The following EPAS1 variants were observed in gnomAD, a reference collection of about 807,000 sequenced individuals.
The protein encoded by EPAS1 is endothelial PAS domain protein 1.
In EPAS1, 23 loss-of-function variants were observed where a neutral mutation model predicts 87.9. The ratio of observed to expected loss-of-function variants is 0.26; its 90% CI spans 0.19 to 0.37. EPAS1 has a LOEUF of 0.37. Among genes scored for constraint, EPAS1 ranks in the 10% least tolerant of loss-of-function variants. The pLI is 1.00. For missense variants in EPAS1, 1,138 were observed against 1,120.7 expected, an observed-to-expected ratio of 1.02 and a Z score of -0.22; for synonymous variants, 508 against 444.3, an observed-to-expected ratio of 1.14 and a Z score of -1.80.
intron 4 of EPAS1, among the ~76,000 whole-genome samples, chr2:46,358,779 A>G (rs749886711): frequency 4.6e-5 from 7 of 152,226 alleles, no homozygotes; most frequent in African/African-American, 1.7e-4. Context: ...GTGCCAGCCT[A>G]TGGGTGGACT....
At chr2:46,308,149 C>T (rs1054339344) in intron 1 of EPAS1, among the ~76,000 whole-genome samples, 2 of 152,172 alleles carry the variant, frequency 1.3e-5, no homozygotes, top group Admixed American at 6.5e-5. Flanking sequence ...CACTTCTATT[C>T]CCTCACACTA....
intron 4 of EPAS1, among the ~76,000 whole-genome samples, chr2:46,358,274 C>CT (rs1684310404): frequency 6.6e-6 from 1 of 152,224 alleles, no homozygotes; most frequent in South Asian, 2.1e-4. Flanking sequence ...CCTCTGCTCT[C>CT]TCTTCTGCAG....
intron 1 of EPAS1, among the ~76,000 whole-genome samples, chr2:46,298,246 C>A (rs769808551): frequency 5.3e-5 from 8 of 152,216 alleles, no homozygotes; most frequent in Non-Finnish European, 1.0e-4. Flanking sequence ...TCCCAGCCGC[C>A]CCGCAGCAGA....
intron 1 of EPAS1, among the ~76,000 whole-genome samples, chr2:46,308,886 C>T (rs1183579206): frequency 6.6e-6 from 1 of 152,174 alleles, no homozygotes; most frequent in African/African-American, 2.4e-5. Flanking sequence ...ACATTGGTTA[C>T]CCCTGTGTTT....
chr2:46,385,100 T>G lies in EPAS1; in HGVS notation c.*440T>G. On this transcript the variant is annotated 3_prime_UTR_variant, in exon 16 of 16. Coordinates refer to ENST00000263734, the MANE Select transcript of EPAS1 (RefSeq NM_001430.5). The stretch of plus-strand genomic sequence containing the variant: ...TGCCAAAGAGAAACAAAAATGATTT[T>G]GCTTTCCAAGCTTGGTTTGTGGCGT... The G allele has an allele frequency of 5.5e-6, 1 of 181,110 alleles. No homozygotes were observed. The highest frequency in any genetic ancestry group is 2.4e-5 in the African/African-American group (1 of 42,314). The allele number at this position is 181,110 out of a possible 1,614,324, so 11.2% of individuals were successfully genotyped here. A position where few individuals can be genotyped will look rare whatever the true frequency, so the allele number is the denominator to read the frequency against.
chr2:46,350,213 C>A (rs1405479714), intron 2 of EPAS1, among the ~76,000 whole-genome samples: 1 of 152,168 alleles, frequency 6.6e-6, no homozygotes, highest in African/African-American at 2.4e-5. Context: ...TATCAAAATG[C>A]AGAGTCGTCA....
chr2:46,303,960 T>C (rs1683059958), intron 1 of EPAS1, among the ~76,000 whole-genome samples: 1 of 152,238 alleles, frequency 6.6e-6, no homozygotes, highest in African/African-American at 2.4e-5. Flanking sequence ...TCCGTCCACC[T>C]ACATGTCTGC....
rs577538817 is a variant in EPAS1, at chr2:46,336,819, G to C, written c.27-10054G>C. Among the ~76,000 whole-genome samples the C allele has an allele frequency of 2.0e-5, 3 of 152,330 alleles. No individual in the cohort carries two copies. The South Asian group carries it at 6.2e-4, about 32-fold the overall frequency. The stretch of plus-strand genomic sequence containing the variant: ...CAGGCTTCAGCCCAGATCCTACTGA[G>C]CCTGCACTGTAACAAGATCCCTGGG... On this transcript the variant is annotated intron_variant, in intron 1 of 15. Transcript: ENST00000263734.
intron 1 of EPAS1, among the ~76,000 whole-genome samples, chr2:46,310,048 CA>C (rs1348195541): frequency 6.6e-6 from 1 of 152,192 alleles, no homozygotes; most frequent in Non-Finnish European, 1.5e-5. Context: ...TGAATGTGCC[CA>C]AATCACTCTG....
chr2:46,328,589 T>C (rs1326201439), intron 1 of EPAS1, among the ~76,000 whole-genome samples: 1 of 152,190 alleles, frequency 6.6e-6, no homozygotes, highest in Non-Finnish European at 1.5e-5. Flanking sequence ...AGCTCTCTGT[T>C]GAATTTCCTT....
chr2:46,354,810 C>G (rs1033775358), intron 2 of EPAS1, among the ~76,000 whole-genome samples: 4 of 152,128 alleles, frequency 2.6e-5, no homozygotes, highest in African/African-American at 9.7e-5. Context: ...ACTGGGCCTG[C>G]CTCACCAGCC....
chr2:46,371,624 G>C lies in EPAS1; in HGVS notation c.886+1691G>C, dbSNP rs143862027. ...TTTGAAATTGTAACATCTGGTTCCA[G>C]CCTTCCCTTTGGGATTCCTTCATGC... On this transcript the variant is annotated intron_variant, in intron 7 of 15. Transcript: ENST00000263734. This position sits in a 1 kb window ranked among gnomAD's most constrained non-coding sequence, Gnocchi z 4.3. Among the ~76,000 whole-genome samples the C allele has an allele frequency of 1.2e-3, 180 of 152,300 alleles. 1 individual carries two copies. Among genetic ancestry groups the C allele is most frequent in the African/African-American group, 3.6e-3 (148 of 41,572 alleles).
At chr2:46,302,134 G>C (rs1001093768) in intron 1 of EPAS1, among the ~76,000 whole-genome samples, 3 of 146,190 alleles carry the variant, frequency 2.1e-5, no homozygotes, top group Non-Finnish European at 4.5e-5. Context: ...GTGTGTGTGT[G>C]TGTGTGTGTG....
rs952793901 is a variant in EPAS1 at position 46,336,074 on chromosome 2, C to T, written c.27-10799C>T. On this transcript the variant is annotated intron_variant, in intron 1 of 15. Transcript: ENST00000263734. ...GCAGAGAGCGAAATAAAATCTAAGC[C>T]GCCCCAGCTGCAGCGCCTGGGAGAG... Among the ~76,000 whole-genome samples, 5 of 152,274 alleles carry T rather than the reference C, an allele frequency of 3.3e-5. No individual in the cohort carries two copies. In the East Asian group the frequency reaches 7.7e-4, roughly 24 times the overall value.
At position 46,300,904 on chromosome 2, in the gene EPAS1, A is replaced by C. The variant is rs1413824209; in HGVS notation, c.26+2967A>C. 6.6e-6 allele frequency among the ~76,000 whole-genome samples: 1 copy of C among 152,158 alleles called. No homozygotes were observed. Among genetic ancestry groups the C allele is most frequent in the Admixed American group, 6.5e-5 (1 of 15,280 alleles). On this transcript the variant is annotated intron_variant, in intron 1 of 15. Coordinates refer to ENST00000263734, the MANE Select transcript of EPAS1 (RefSeq NM_001430.5). The surrounding 1 kb of genome is among the most constrained non-coding windows in gnomAD (Gnocchi z 4.1). ...CTTAGTTGTTCCTCTTCTAAAATCA[A>C]ATCAAACTCCATCATTATTCCAACT...
At chr2:46,381,899 G>GGGCC in intron 13 of EPAS1, 76 bp from the exon 14 acceptor site, 28 of 1,346,758 alleles carry the variant, frequency 2.1e-5, no homozygotes, top group Non-Finnish European at 2.7e-5. Context: ...CCTGTTCCAG[G>GGGCC]CCCACCCAAC....
chr2:46,372,211 AAAGGGACAAACCCATAGCTAGCC>A (rs1684640605), intron 7 of EPAS1, among the ~76,000 whole-genome samples: 1 of 152,346 alleles, frequency 6.6e-6, no homozygotes, highest in Non-Finnish European at 1.5e-5. Context: ...CATAGCTAGC[AAAGGGACAAACCCATAGCTAGCC>A]AAGGGAAATC....
In EPAS1 at chr2:46,369,875, A is replaced by T. The variant is rs775818682; in HGVS notation, c.828A>T (p.Ser276=). ...ACCCTGAGGAGCTGCTTGGCCGCTC[A>T]GCCTATGAATTCTACCATGCGCTAG... is the stretch of plus-strand genomic sequence containing the variant. The part of the protein sequence containing the change: ...GYHPEELLGR[S]AYEFYHALDS... The change falls in exon 7 of 16, where the codon TCA becomes TCT. Residue 276 remains serine (S), a synonymous_variant. Coordinates refer to ENST00000263734, the MANE Select transcript of EPAS1 (RefSeq NM_001430.5). 6.2e-7 allele frequency: 1 copy of T among 1,613,362 alleles called. No homozygotes were observed. Among genetic ancestry groups the T allele is most frequent in the East Asian group, 2.2e-5 (1 of 44,882 alleles).
At position 46,382,475 on chromosome 2, in the gene EPAS1, C is replaced by T; in HGVS notation, c.2338C>T (p.Leu780=). ...GGGCCTGGGCCATCCCCTGAGACAT[C>T]TGCCGCTGCCACAGCCTCCATCTGC... The part of the protein sequence containing the change: ...MRGLGHPLRH[L]PLPQPPSAIS... The change falls in exon 15 of 16, where the codon CTG becomes TTG. Residue 780 remains leucine, a synonymous_variant. Coordinates refer to ENST00000263734, the MANE Select transcript of EPAS1 (RefSeq NM_001430.5). 1 of 1,614,162 alleles carries T rather than the reference C, an allele frequency of 6.2e-7. No homozygotes were observed. The highest frequency in any genetic ancestry group is 1.6e-4 in the Middle Eastern group (1 of 6,062).
Sources: allele counts gnomAD v4.1 joint callset (sites outside exome capture counted in the v4.1 genomes callset), GRCh38; gene constraint gnomAD v4.1.1; non-coding constraint Gnocchi (gnomAD v3.1); transcripts MANE v1.5; gene names NCBI Gene and HGNC (gene_info 2026-07-23, HGNC 2026-07-21).